Variants in FYN observed in about 807,000 individuals in gnomAD.
FYN encodes FYN proto-oncogene, Src family tyrosine kinase.
A neutral mutation model predicts 70.2 loss-of-function variants in FYN; 10 were observed. That is an observed-to-expected ratio of 0.14 (90% CI 0.09 to 0.24). FYN has a LOEUF of 0.24. Among genes scored for constraint, FYN ranks in the 10% least tolerant of loss-of-function variants. The pLI, the probability that FYN is intolerant of heterozygous loss-of-function variation, is 1.00. For synonymous variants in FYN, 236 were observed against 248.6 expected, an observed-to-expected ratio of 0.95 and a Z score of 0.48; for missense variants, 319 against 673.1, an observed-to-expected ratio of 0.47 and a Z score of 5.82.
chr6:111,674,456 A>G, intron 13 of FYN, 43 bp downstream of exon 13: 1 of 1,566,976 alleles, frequency 6.4e-7, no homozygotes, highest in South Asian at 1.2e-5. Context: ...GTGTCAAAAA[A>G]GCCTCCAATC....
chr6:111,780,910 A>T (rs1322627899), intron 2 of FYN: 1 of 152,212 alleles, frequency 6.6e-6, no homozygotes. Flanking sequence ...AGCCCTTTGA[A>T]ATATTTGAAG....
chr6:111,695,231 AC>A (rs1211159445), intron 10 of FYN, among the ~76,000 whole-genome samples: 211 of 152,384 alleles, frequency 1.4e-3, no homozygotes, highest in African/African-American at 4.8e-3. Flanking sequence ...AAGAAGGCCT[AC>A]AGGTGATTCT....
chr6:111,814,906 A>C (rs1376571443), intron 2 of FYN, among the ~76,000 whole-genome samples: 5 of 152,226 alleles, frequency 3.3e-5, no homozygotes, highest in Non-Finnish European at 5.9e-5. Context: ...ACTTTTAAAA[A>C]AATTGTAAAA....
chr6:111,821,434 T>C (rs1293222834), intron 2 of FYN, among the ~76,000 whole-genome samples: 1 of 152,150 alleles, frequency 6.6e-6, no homozygotes, highest in African/African-American at 2.4e-5. Flanking sequence ...TAGCCATATG[T>C]AGAGAGCTGA....
At chr6:111,832,882 C>A (rs926184089) in intron 2 of FYN, among the ~76,000 whole-genome samples, 23 of 152,068 alleles carry the variant, frequency 1.5e-4, no homozygotes, top group African/African-American at 5.1e-4. Context: ...TCAAGTAAAT[C>A]TGATGAATGC....
chr6:111,716,754 T>C (rs6916730), intron 4 of FYN, among the ~76,000 whole-genome samples: 20,157 of 151,544 alleles, frequency 0.13, 1,503 homozygotes, highest in South Asian at 0.34. Context: ...AAAAGAGATA[T>C]AGAGATATCT....
At chr6:111,751,825 C>T (rs768475541) in intron 3 of FYN, among the ~76,000 whole-genome samples, 7 of 152,028 alleles carry the variant, frequency 4.6e-5, no homozygotes, top group Non-Finnish European at 1.0e-4. Flanking sequence ...CACTATGTTG[C>T]CCAGGCTGGT....
chr6:111,869,689 CAGA>C (rs1433506630), intron 1 of FYN, among the ~76,000 whole-genome samples: 1 of 152,194 alleles, frequency 6.6e-6, no homozygotes, highest in African/African-American at 2.4e-5. Flanking sequence ...CTGCAACATC[CAGA>C]AGGAGTGTGA....
At chr6:111,830,028 T>A (rs909738524) in intron 2 of FYN, among the ~76,000 whole-genome samples, 16 of 152,174 alleles carry the variant, frequency 1.1e-4, no homozygotes, top group African/African-American at 1.7e-4. Context: ...ATAATTTTTT[T>A]AAAAAGTGTT....
chr6:111,738,512 T>C (rs1395083592), intron 3 of FYN, among the ~76,000 whole-genome samples: 1 of 152,204 alleles, frequency 6.6e-6, no homozygotes, highest in Non-Finnish European at 1.5e-5. Flanking sequence ...GAGATGCTCC[T>C]CCCTGGTCAA....
intron 2 of FYN, among the ~76,000 whole-genome samples, chr6:111,787,864 T>G (rs928674839): frequency 1.3e-5 from 2 of 152,200 alleles, no homozygotes; most frequent in Non-Finnish European, 2.9e-5. Context: ...TTGGTGACAC[T>G]GCTAGAAAGA....
At chr6:111,764,077 G>T (rs1469955864) in intron 3 of FYN, among the ~76,000 whole-genome samples, 1 of 151,912 alleles carries the variant, frequency 6.6e-6, no homozygotes, top group Non-Finnish European at 1.5e-5. Context: ...GCAGAATGTT[G>T]ATGATCACTG....
intron 3 of FYN, among the ~76,000 whole-genome samples, chr6:111,744,326 T>C (rs1386125090): frequency 6.6e-6 from 1 of 152,270 alleles, no homozygotes; most frequent in Non-Finnish European, 1.5e-5. Flanking sequence ...GGATGGACAG[T>C]GACTTATTCC....
intron 8 of FYN, 91 bp downstream of exon 8, chr6:111,702,794 A>G (rs1021446340): frequency 7.9e-7 from 1 of 1,262,152 alleles, no homozygotes; most frequent in Non-Finnish European, 1.1e-6. Context: ...TTTTGTACAT[A>G]TTAGTTTTAC....
intron 6 of FYN, 30 bp downstream of exon 6, chr6:111,707,892 G>C: frequency 6.6e-7 from 1 of 1,512,618 alleles, no homozygotes. Flanking sequence ...TTAAAATCAA[G>C]TAGTTAAGTG....
chr6:111,728,780 C>T (rs186204226), intron 3 of FYN, among the ~76,000 whole-genome samples: 6 of 152,228 alleles, frequency 3.9e-5, no homozygotes, highest in African/African-American at 1.4e-4. Flanking sequence ...CGTTTTGGCT[C>T]TTATGAATAA....
At chr6:111,819,886 G>A (rs1445535881) in intron 2 of FYN, 1 of 152,106 alleles carries the variant, frequency 6.6e-6, no homozygotes, top group Non-Finnish European at 1.5e-5. Flanking sequence ...AGAGGGTCTG[G>A]CGATAAGACA....
intron 12 of FYN, among the ~76,000 whole-genome samples, chr6:111,692,108 C>CG (rs112271937): frequency 5.4e-5 from 8 of 149,504 alleles, no homozygotes; most frequent in East Asian, 2.0e-4. Flanking sequence ...ATTTCCCCCC[C>CG]CCCCAGTTCA....
intron 2 of FYN, among the ~76,000 whole-genome samples, chr6:111,825,270 A>G (rs968772145): frequency 6.6e-6 from 1 of 152,178 alleles, no homozygotes; most frequent in African/African-American, 2.4e-5. Context: ...AACCAATTTA[A>G]TTGCCTTAAT....
Sources: allele counts gnomAD v4.1 joint callset (sites outside exome capture counted in the v4.1 genomes callset), GRCh38; gene constraint gnomAD v4.1.1; transcripts MANE v1.5; gene names NCBI Gene and HGNC (gene_info 2026-07-23, HGNC 2026-07-21).